The following CLIP1 variants were observed in gnomAD, a reference collection of about 807,000 sequenced individuals.
The protein encoded by CLIP1 is CAP-Gly domain containing linker protein 1.
In CLIP1, 66 loss-of-function variants were observed where a neutral mutation model predicts 161.6. The observed-to-expected ratio is 0.41, with a 90% CI of 0.33 to 0.50. The LOEUF (loss-of-function observed/expected upper bound fraction) is 0.50, where lower values mean the gene tolerates loss of function less well. Among genes scored for constraint, CLIP1 ranks in the 20% least tolerant of loss-of-function variants. The pLI is 0.27. For missense variants in CLIP1, 1,376 were observed against 1,702.0 expected (o/e 0.81, Z 3.37); for synonymous variants, 598 against 626.2 (o/e 0.96, Z 0.67).
At chr12:122,395,286 G>A (rs757539466) in intron 1 of CLIP1, 3 of 152,050 alleles carry the variant, frequency 2.0e-5, no homozygotes, top group Non-Finnish European at 4.4e-5. Context: ...ATCATTATAC[G>A]ATCTCTTTCA....
intron 3 of CLIP1, among the ~76,000 whole-genome samples, chr12:122,370,337 A>G (rs537065478): frequency 1.3e-5 from 2 of 152,300 alleles, no homozygotes; most frequent in East Asian, 3.9e-4. Flanking sequence ...TTTTAATGCC[A>G]TGAGGAGCCC....
chr12:122,341,741 A>C, intron 10 of CLIP1, 44 bp from the exon 11 acceptor site: 1 of 709,824 alleles, frequency 1.4e-6, no homozygotes, highest in Non-Finnish European at 2.1e-6. Context: ...TTAAATAACA[A>C]GTCATTGACT....
intron 17 of CLIP1, among the ~76,000 whole-genome samples, chr12:122,327,129 C>T (rs774995434): frequency 1.3e-5 from 2 of 152,090 alleles, no homozygotes; most frequent in Admixed American, 6.5e-5. Flanking sequence ...GGTTGAACTT[C>T]GTGAAGTTAC....
intron 10 of CLIP1, among the ~76,000 whole-genome samples, chr12:122,344,841 T>C (rs1321324168): frequency 1.3e-5 from 2 of 152,308 alleles, no homozygotes; most frequent in African/African-American, 4.8e-5. Context: ...ACATAGGTGA[T>C]ATGAAACTTA....
rs116122814 is a variant in CLIP1, at chr12:122,281,484, C to T, written c.3648-2339G>A. On this transcript the variant is annotated intron_variant, in intron 21 of 25. Coordinates refer to ENST00000620786, the MANE Select transcript of CLIP1 (RefSeq NM_001247997.2). ...GGAGGATCGCTTGAGGCCAGGAGTT[C>T]GAGACCAGCCTGGTTGACACAGTGA... Among the ~76,000 whole-genome samples, 627 of 151,722 alleles carry T rather than the reference C, an allele frequency of 4.1e-3. 1 individual carries two copies. The highest frequency in any genetic ancestry group is 0.014 in the African/African-American group (592 of 41,338).
At chr12:122,359,731 C>G (rs1487715708) in intron 5 of CLIP1, among the ~76,000 whole-genome samples, 1 of 152,186 alleles carries the variant, frequency 6.6e-6, no homozygotes, top group South Asian at 2.1e-4. Flanking sequence ...AAGATTTCAG[C>G]ACCTGTCCCT....
intron 9 of CLIP1, among the ~76,000 whole-genome samples, chr12:122,349,484 T>C (rs1475459044): frequency 6.6e-6 from 1 of 152,172 alleles, no homozygotes; most frequent in Non-Finnish European, 1.5e-5. Context: ...CAGTAGAGAC[T>C]GGGTTTCACC....
intron 9 of CLIP1, among the ~76,000 whole-genome samples, chr12:122,348,483 A>C (rs1952856351): frequency 6.6e-6 from 1 of 152,192 alleles, no homozygotes; most frequent in Admixed American, 6.5e-5. Flanking sequence ...TGGGTTCCTA[A>C]GGTGATTCAA....
At chr12:122,399,926 G>T (rs960073618) in intron 1 of CLIP1, 1 of 152,200 alleles carries the variant, frequency 6.6e-6, no homozygotes, top group African/African-American at 2.4e-5. Context: ...TTCTGAGGCT[G>T]ATTTTTCAAG....
At chr12:122,350,985 A>T in intron 9 of CLIP1, 126 bp downstream of exon 9, 1 of 635,960 alleles carries the variant, frequency 1.6e-6, no homozygotes, top group Non-Finnish European at 2.6e-6. Context: ...CATGCACAGA[A>T]ACATTAAGGT....
intron 4 of CLIP1, among the ~76,000 whole-genome samples, chr12:122,362,670 AGTTCATTGAAAATTTTTAAT>A (rs1953915227): frequency 9.3e-6 from 1 of 107,386 alleles, no homozygotes; most frequent in Non-Finnish European, 2.0e-5. Context: ...AAAAAAAAAA[AGTTCATTGAAAATTTTTAAT>A]ATCTGTTTCA....
chr12:122,398,674 C>T (rs948404945), intron 1 of CLIP1, among the ~76,000 whole-genome samples: 2 of 151,694 alleles, frequency 1.3e-5, no homozygotes, highest in Non-Finnish European at 2.9e-5. Flanking sequence ...CTGAGAGCTG[C>T]CTGGGCAACA....
At position 122,334,717 on chromosome 12, in the gene CLIP1, G is replaced by T. The variant is rs368813949; in HGVS notation, c.2569-12C>A. 6.6e-7 allele frequency: 1 copy of T among 1,525,270 alleles called. No individual in the cohort carries two copies. The highest frequency in any genetic ancestry group is 9.0e-7 in the Non-Finnish European group (1 of 1,116,330). The allele number at this position is 1,525,270 out of a possible 1,614,324, so 94.5% of individuals were successfully genotyped here. A position where few individuals can be genotyped will look rare whatever the true frequency, so the allele number is the denominator to read the frequency against. On this transcript the variant is annotated splice_polypyrimidine_tract_variant and intron_variant, in intron 12 of 25. Coordinates refer to ENST00000620786, the MANE Select transcript of CLIP1 (RefSeq NM_001247997.2). ...GCAAACTTTTCTTTCTAAAGAAAAA[G>T]AATGAGAGATTCTGAACAGAAAGAT... is the stretch of plus-strand genomic sequence containing the variant.
At chr12:122,309,072 T>C (rs906326499) in intron 20 of CLIP1, among the ~76,000 whole-genome samples, 10 of 152,380 alleles carry the variant, frequency 6.6e-5, no homozygotes, top group African/African-American at 1.9e-4. Context: ...TTCAGCACTT[T>C]GATTCAACTG....
chr12:122,280,086 T>A (rs1261435244), intron 21 of CLIP1: 1 of 152,444 alleles, frequency 6.6e-6, no homozygotes, highest in Admixed American at 6.5e-5. Context: ...TTTTTTATTT[T>A]TTTTTTTGAC....
chr12:122,385,763 AATAG>A (rs985810712), intron 1 of CLIP1, among the ~76,000 whole-genome samples: 4 of 152,162 alleles, frequency 2.6e-5, no homozygotes, highest in African/African-American at 9.7e-5. Context: ...AGGATGGAGA[AATAG>A]TAACATATCA....
intron 19 of CLIP1, among the ~76,000 whole-genome samples, chr12:122,314,705 T>C (rs534981927): frequency 6.6e-6 from 1 of 152,276 alleles, no homozygotes; most frequent in South Asian, 2.1e-4. Flanking sequence ...AATGCAGGAA[T>C]TCAACCTGGT....
chr12:122,336,538 G>A, intron 12 of CLIP1, 94 bp downstream of exon 12: 1 of 689,398 alleles, frequency 1.5e-6, no homozygotes, highest in Non-Finnish European at 2.5e-6. Flanking sequence ...CTTAGAAAGA[G>A]AAAGGAAACA....
intron 18 of CLIP1, 131 bp downstream of exon 18, chr12:122,319,101 C>T: frequency 1.5e-6 from 1 of 647,408 alleles, no homozygotes; most frequent in Non-Finnish European, 2.8e-6. Context: ...ATTATCGTGG[C>T]TCTGGCATGC....
Sources: gnomAD v4.1 joint callset for allele counts (sites outside exome capture counted in the v4.1 genomes callset) on GRCh38, gnomAD v4.1.1 for gene constraint, MANE v1.5 for transcripts, NCBI Gene and HGNC (gene_info 2026-07-23, HGNC 2026-07-21) for gene names.